The following SLC45A3 variants were observed in gnomAD, a reference collection of about 807,000 sequenced individuals.
SLC45A3 encodes prostate cancer associated protein 2.
A neutral mutation model predicts 35.3 loss-of-function variants in SLC45A3; 17 were observed. That is an observed-to-expected ratio of 0.48 (90% confidence interval 0.33 to 0.72). The LOEUF (loss-of-function observed/expected upper bound fraction) is 0.72, where lower values mean the gene tolerates loss of function less well. SLC45A3 is among the 30% of genes least tolerant of loss of function. The pLI, the probability that SLC45A3 is intolerant of heterozygous loss-of-function variation, is 0.02. For missense variants in SLC45A3, 597 were observed against 731.7 expected (o/e 0.82, Z 2.12); for synonymous variants, 288 against 334.3 (o/e 0.86, Z 1.51).
At position 205,667,699 on chromosome 1, in the gene SLC45A3, T is replaced by TA. The variant is rs555843407; in HGVS notation, c.-230-2814dup. 2.0e-5 allele frequency among the ~76,000 whole-genome samples: 3 copies of TA among 151,960 alleles called. No individual in the cohort carries two copies. In the South Asian group the frequency reaches 6.2e-4, roughly 32 times the overall value. ...GGGCAACAGAGTGAGACCTGGTCTC[T>TA]AAAAAATAAAAAAATAAAAATAAAC... On this transcript the variant is annotated intron_variant, in intron 1 of 4. Coordinates refer to ENST00000367145, the MANE Select transcript of SLC45A3 (RefSeq NM_033102.3).
At chr1:205,668,049 G>T (rs555258135) in intron 1 of SLC45A3, among the ~76,000 whole-genome samples, 1 of 152,244 alleles carries the variant, frequency 6.6e-6, no homozygotes, top group South Asian at 2.1e-4. Flanking sequence ...ATTCTTTGGT[G>T]GCAGAGTCCG....
Position 205,659,314 on chromosome 1 carries a change from C to A in SLC45A3, c.1582G>T (p.Ala528Ser), listed in dbSNP as rs151018622. 2 of 1,614,146 alleles carry A rather than the reference C, an allele frequency of 1.2e-6. No individual in the cohort carries two copies. Among genetic ancestry groups the A allele is most frequent in the Admixed American group, 3.3e-5 (2 of 60,020 alleles). ...TAAATGGCGACCAGACCCAGGCCTG[C>A]GGCAGACACCATATAGGCAGTGACA... ...QSVTAYMVSA[A>S]GLGLVAIYFA... The change falls in exon 5 of 5, where the codon GCA becomes TCA. Residue 528 changes from alanine to serine, a missense_variant. Physicochemically the swap from Ala to Ser is moderately conservative, Grantham distance 99. Transcript: ENST00000367145. This position sits in a 1 kb window ranked among gnomAD's most constrained non-coding sequence, Gnocchi z 5.8.
chr1:205,657,916 TATAAA>T lies in SLC45A3; in HGVS notation c.*1313_*1317del, dbSNP rs1670953027. 4.7e-6 allele frequency: 1 copy of T among 213,168 alleles called. No individual in the cohort carries two copies. The highest frequency in any genetic ancestry group is 1.9e-4 in the South Asian group (1 of 5,324). 13.2% of individuals were successfully genotyped at this position (213,168 alleles called of 1,614,324 possible). ...TTATACTCTGATTGCTCACTTACAG[TATAAA>T]ATATTCACCCCGCTAAATAAATAAG... On this transcript the variant is annotated 3_prime_UTR_variant, in exon 5 of 5. Transcript: ENST00000367145.
chr1:205,671,184 C>A (rs984032538), intron 1 of SLC45A3, among the ~76,000 whole-genome samples: 2 of 152,194 alleles, frequency 1.3e-5, no homozygotes, highest in Non-Finnish European at 2.9e-5. Context: ...TCCTGGACAG[C>A]CTAAGCTAGG....
chr1:205,666,832 G>A lies in SLC45A3; in HGVS notation c.-230-1946C>T, dbSNP rs1671127120. ...GCATTTCCACAGTACCCCCAAGAAG[G>A]AAAGCAGGAGACAGCACAGAGACCA... is the stretch of plus-strand genomic sequence containing the variant. On this transcript the variant is annotated intron_variant, in intron 1 of 4. Coordinates refer to ENST00000367145, the MANE Select transcript of SLC45A3 (RefSeq NM_033102.3). The surrounding 1 kb of genome is among the most constrained non-coding windows in gnomAD (Gnocchi z 4.1). Among the ~76,000 whole-genome samples, 2 of 152,210 alleles carry A rather than the reference G, an allele frequency of 1.3e-5. No homozygotes were observed.
In SLC45A3 at chr1:205,659,316, G is replaced by A. The variant is rs532218131; in HGVS notation, c.1580C>T (p.Ala527Val). The change falls in exon 5 of 5, where the codon GCC becomes GTC. Residue 527 changes from alanine to valine, a missense_variant. Transcript: ENST00000367145. The surrounding 1 kb of genome is among the most constrained non-coding windows in gnomAD (Gnocchi z 5.8). ...SQSVTAYMVS[A>V]AGLGLVAIYF... ...AATGGCGACCAGACCCAGGCCTGCG[G>A]CAGACACCATATAGGCAGTGACAGA... 1 of 1,614,212 alleles carries A rather than the reference G, an allele frequency of 6.2e-7. No individual in the cohort carries two copies. Among genetic ancestry groups the A allele is most frequent in the African/African-American group, 1.3e-5 (1 of 75,052 alleles).
rs768885268 is a variant in SLC45A3 at position 205,677,795 on chromosome 1, GAC to G, written c.-231+2597_-231+2598del. The stretch of plus-strand genomic sequence containing the variant: ...ACATTTATTGAGCACTTATGTGTCA[GAC>G]ACACAGTTTAGTATTCTATATACAA... On this transcript the variant is annotated intron_variant, in intron 1 of 4. Transcript: ENST00000367145. Among the ~76,000 whole-genome samples the G allele has an allele frequency of 2.6e-5, 4 of 152,162 alleles. No individual in the cohort carries two copies. In the East Asian group the frequency reaches 7.7e-4, roughly 29 times the overall value.
At chr1:205,678,108 G>A (rs1671340913) in intron 1 of SLC45A3, among the ~76,000 whole-genome samples, 1 of 152,152 alleles carries the variant, frequency 6.6e-6, no homozygotes, top group Non-Finnish European at 1.5e-5. Context: ...CCTGAGGTCA[G>A]GAGTTCAAGA....
chr1:205,664,043 TC>T lies in SLC45A3; in HGVS notation c.173-426del, dbSNP rs1471205983. Among the ~76,000 whole-genome samples, 4 of 152,184 alleles carry T rather than the reference TC, an allele frequency of 2.6e-5. No homozygotes were observed. The highest frequency in any genetic ancestry group is 9.7e-5 in the African/African-American group (4 of 41,440). ...CCTTGTCCTAGGGGTAGGAGCAAGC[TC>T]CGGCTGGGAGACCTTGATGGAGTCC... is the stretch of plus-strand genomic sequence containing the variant. On this transcript the variant is annotated intron_variant, in intron 2 of 4. Transcript: ENST00000367145. This position sits in a 1 kb window ranked among gnomAD's most constrained non-coding sequence, Gnocchi z 5.3.
rs541057427 is a variant in SLC45A3, at chr1:205,659,262, T to C, written c.1634A>G (p.Lys545Arg). The change falls in exon 5 of 5, where the codon AAG (lysine) becomes AGG (arginine). Residue 545 changes from lysine (K) to arginine (R), a missense_variant. Physicochemically the swap from Lys to Arg is conservative, Grantham distance 26. Coordinates refer to ENST00000367145, the MANE Select transcript of SLC45A3 (RefSeq NM_033102.3). The surrounding 1 kb of genome is among the most constrained non-coding windows in gnomAD (Gnocchi z 5.8). ...CGCTGAGTATTTGGCCAAGTCGCTC[T>C]TGTCAAATACTACCTGTGTAGCAAA... ...IYFATQVVFDKSDLAKYSA is the reference protein window; with the variant it reads ...IYFATQVVFDRSDLAKYSA 47 of 1,613,510 alleles carry C rather than the reference T, an allele frequency of 2.9e-5. 1 individual carries two copies. In the South Asian group the frequency reaches 4.6e-4, roughly 16 times the overall value.
intron 1 of SLC45A3, among the ~76,000 whole-genome samples, chr1:205,670,589 G>A (rs1055655004): frequency 6.6e-6 from 1 of 152,198 alleles, no homozygotes. Flanking sequence ...CCCAGGGCCT[G>A]GAGGCCAGGG....
chr1:205,677,876 A>G (rs1671336508), intron 1 of SLC45A3, among the ~76,000 whole-genome samples: 1 of 152,228 alleles, frequency 6.6e-6, no homozygotes, highest in South Asian at 2.1e-4. Context: ...ATATGTTTAT[A>G]AATTTTATGT....
chr1:205,664,196 G>A lies in SLC45A3; in HGVS notation c.172+289C>T, dbSNP rs1432081192. ...GTTGTAAGCATTAAATGAGATAATC[G>A]CTATAAATTATAAAAGGGCTAGCCA... On this transcript the variant is annotated intron_variant, in intron 2 of 4. Transcript: ENST00000367145. The surrounding 1 kb of genome is among the most constrained non-coding windows in gnomAD (Gnocchi z 5.3). Among the ~76,000 whole-genome samples, 3 of 152,116 alleles carry A rather than the reference G, an allele frequency of 2.0e-5. No individual in the cohort carries two copies. Among genetic ancestry groups the A allele is most frequent in the Non-Finnish European group, 4.4e-5 (3 of 68,014 alleles).
intron 1 of SLC45A3, among the ~76,000 whole-genome samples, chr1:205,679,586 ACT>A (rs1671367051): frequency 6.6e-6 from 1 of 151,702 alleles, no homozygotes; most frequent in Non-Finnish European, 1.5e-5. Context: ...CGTTTGCAGA[ACT>A]CTGTCCTTCC....
chr1:205,661,084 G>A (rs1201157737), intron 4 of SLC45A3, among the ~76,000 whole-genome samples: 3 of 152,336 alleles, frequency 2.0e-5, no homozygotes, highest in East Asian at 3.9e-4. Context: ...TCAAGGCAGA[G>A]TCCAGCACCC....
In SLC45A3 at chr1:205,666,386, T is replaced by C. The variant is rs946541755; in HGVS notation, c.-230-1500A>G. The stretch of plus-strand genomic sequence containing the variant: ...ATCCAGGCGTGGTAGTATGCACCTG[T>C]GGTCCCAGCTACTTAAGAGGCTGAG... On this transcript the variant is annotated intron_variant, in intron 1 of 4. Transcript: ENST00000367145. This position sits in a 1 kb window ranked among gnomAD's most constrained non-coding sequence, Gnocchi z 4.1. 2.0e-5 allele frequency among the ~76,000 whole-genome samples: 3 copies of C among 152,138 alleles called. No homozygotes were observed. The highest frequency in any genetic ancestry group is 6.5e-5 in the Admixed American group (1 of 15,276).
At chr1:205,668,166 T>G (rs1445913467) in intron 1 of SLC45A3, among the ~76,000 whole-genome samples, 2 of 152,048 alleles carry the variant, frequency 1.3e-5, no homozygotes, top group African/African-American at 2.4e-5. Context: ...TCCAAGCCCA[T>G]AAGCACACAC....
rs1232074164 is a variant in SLC45A3 at position 205,669,747 on chromosome 1, A to C, written c.-230-4861T>G. ...CTCAGAAGCGGCTCCTCTCCCCTTC[A>C]CAGCCACCCCGCAGCCCTCCCCACA... On this transcript the variant is annotated intron_variant, in intron 1 of 4. Coordinates refer to ENST00000367145, the MANE Select transcript of SLC45A3 (RefSeq NM_033102.3). The surrounding 1 kb of genome is among the most constrained non-coding windows in gnomAD (Gnocchi z 4.1). 1.3e-5 allele frequency among the ~76,000 whole-genome samples: 2 copies of C among 151,998 alleles called. No individual in the cohort carries two copies. The highest frequency in any genetic ancestry group is 4.8e-5 in the African/African-American group (2 of 41,366).
At chr1:205,660,925 T>A (rs1047449730) in intron 4 of SLC45A3, among the ~76,000 whole-genome samples, 1 of 152,134 alleles carries the variant, frequency 6.6e-6, no homozygotes, top group Non-Finnish European at 1.5e-5. Flanking sequence ...AGCTACCTAC[T>A]CAGTTAACCA....
Sources: allele counts gnomAD v4.1 joint callset (sites outside exome capture counted in the v4.1 genomes callset), GRCh38; gene constraint gnomAD v4.1.1; non-coding constraint Gnocchi (gnomAD v3.1); transcripts MANE v1.5; gene names NCBI Gene and HGNC (gene_info 2026-07-23, HGNC 2026-07-21).